AMPH: variants seen among roughly 807,000 people sequenced by gnomAD.
The protein encoded by AMPH is amphiphysin (Stiff-Mann syndrome with breast cancer 128kD autoantigen).
A neutral mutation model predicts 99.1 loss-of-function variants in AMPH; 49 were observed. The ratio of observed to expected loss-of-function variants is 0.49; its 90% CI spans 0.39 to 0.63. AMPH has a LOEUF of 0.63. Ranked by LOEUF, AMPH falls within the 20% of genes least tolerant of loss-of-function variation. The probability of loss-of-function intolerance (pLI) is 0.00; values close to 1 mark genes in which losing one functional copy is unlikely to be tolerated. For missense variants in AMPH, 759 were observed against 863.4 expected, an observed-to-expected ratio of 0.88 and a Z score of 1.52; for synonymous variants, 314 against 317.3, an observed-to-expected ratio of 0.99 and a Z score of 0.11.
At chr7:38,453,690 T>C (rs1250923483) in intron 11 of AMPH, among the ~76,000 whole-genome samples, 1 of 152,204 alleles carries the variant, frequency 6.6e-6, no homozygotes, top group Non-Finnish European at 1.5e-5. Flanking sequence ...TGAGTCTGCA[T>C]GTCATGTTGT....
At chr7:38,422,391 T>C in intron 16 of AMPH, 30 bp downstream of exon 16, 1 of 1,590,398 alleles carries the variant, frequency 6.3e-7, no homozygotes, top group South Asian at 1.1e-5. Context: ...ACTAACAACT[T>C]CCTGAGAGCA....
chr7:38,393,726 A>G (rs948050620), intron 18 of AMPH, among the ~76,000 whole-genome samples: 24 of 152,052 alleles, frequency 1.6e-4, no homozygotes, highest in African/African-American at 4.8e-4. Flanking sequence ...GTCCTGCTTC[A>G]TTCCTTTCTC....
intron 16 of AMPH, chr7:38,420,936 A>T: frequency 2.2e-6 from 1 of 456,554 alleles, no homozygotes; most frequent in Non-Finnish European, 4.4e-6. Flanking sequence ...TCAATGAGCC[A>T]AACACTGGGG....
At chr7:38,494,904 C>A (rs1788872686) in intron 3 of AMPH, among the ~76,000 whole-genome samples, 1 of 151,994 alleles carries the variant, frequency 6.6e-6, no homozygotes, top group Admixed American at 6.6e-5. Flanking sequence ...TAAAATTAGT[C>A]CTAAATGAAT....
At chr7:38,512,657 G>A (rs7799083) in intron 2 of AMPH, among the ~76,000 whole-genome samples, 45,580 of 152,028 alleles carry the variant, frequency 0.3, 7,365 homozygotes, top group Middle Eastern at 0.37. Context: ...CTTCCTCTAG[G>A]AGTGATTTCT....
At chr7:38,413,243 T>C (rs186799952) in intron 17 of AMPH, among the ~76,000 whole-genome samples, 22 of 152,290 alleles carry the variant, frequency 1.4e-4, no homozygotes, top group Admixed American at 9.8e-4. Context: ...TAACTCCATT[T>C]TATATTTGAG....
At chr7:38,437,997 G>A (rs1270946661) in intron 11 of AMPH, among the ~76,000 whole-genome samples, 1 of 152,038 alleles carries the variant, frequency 6.6e-6, no homozygotes, top group African/African-American at 2.4e-5. Flanking sequence ...ATGCCCTTCT[G>A]AGAGCTCTAC....
Position 38,403,024 on chromosome 7 carries a change from T to A in AMPH, c.1399-8810A>T, listed in dbSNP as rs55633869. 7.2e-5 allele frequency among the ~76,000 whole-genome samples: 11 copies of A among 152,192 alleles called. No individual in the cohort carries two copies. The South Asian group carries it at 1.9e-3, about 26-fold the overall frequency. On this transcript the variant is annotated intron_variant, in intron 17 of 20. Transcript: ENST00000356264. The stretch of plus-strand genomic sequence containing the variant: ...ATCCCAATGATAAATTTCATTTTTT[T>A]AAAAAAATGCTCCAAGGTTTTTTTG...
chr7:38,593,518 C>T (rs1013785060), intron 1 of AMPH, among the ~76,000 whole-genome samples: 1 of 152,164 alleles, frequency 6.6e-6, no homozygotes, highest in African/African-American at 2.4e-5. Flanking sequence ...GTAATTTTCC[C>T]TTTATTGCTC....
chr7:38,384,671 C>T lies in AMPH; in HGVS notation c.*147G>A. The T allele has an allele frequency of 1.6e-6, 1 of 637,480 alleles. No homozygotes were observed. Among genetic ancestry groups the T allele is most frequent in the South Asian group, 2.6e-5 (1 of 38,748 alleles). 39.5% of individuals were successfully genotyped at this position (637,480 alleles called of 1,614,324 possible). On this transcript the variant is annotated 3_prime_UTR_variant, in exon 21 of 21. Transcript: ENST00000356264. ...TTTTTTCCTCTTACATTTTTTTGCA[C>T]ACATGCTCCATTGATACATCTTCCC...
Position 38,393,995 on chromosome 7 carries a change from G to A in AMPH, c.1608+10C>T. 1 of 1,614,036 alleles carries A rather than the reference G, an allele frequency of 6.2e-7. No individual in the cohort carries two copies. Among genetic ancestry groups the A allele is most frequent in the Non-Finnish European group, 8.5e-7 (1 of 1,179,946 alleles). On this transcript the variant is annotated intron_variant, in intron 18 of 20. Transcript: ENST00000356264. ...CAGGAGCTCCCCTGGCTGCGACATGGGACACTCACCTGAGGCACTGTTGCT... is the reference window on the plus strand; with the variant it reads ...CAGGAGCTCCCCTGGCTGCGACATGAGACACTCACCTGAGGCACTGTTGCT...
At chr7:38,418,037 C>A (rs1347520161) in intron 16 of AMPH, 87 bp from the exon 17 acceptor site, 9 of 1,437,998 alleles carry the variant, frequency 6.3e-6, no homozygotes, top group South Asian at 5.8e-5. Context: ...TTAAGATTTT[C>A]TTTGTCATCC....
At chr7:38,527,931 C>T (rs943431967) in intron 2 of AMPH, among the ~76,000 whole-genome samples, 27 of 152,120 alleles carry the variant, frequency 1.8e-4, no homozygotes, top group African/African-American at 6.0e-4. Context: ...CTATTCGTAA[C>T]TTGCTGGGCA....
At chr7:38,429,417 C>A (rs759290541) in intron 14 of AMPH, 2 of 1,293,182 alleles carry the variant, frequency 1.5e-6, no homozygotes, top group South Asian at 2.5e-5. Flanking sequence ...TCCAAACCCA[C>A]CTGAGGTAAC....
chr7:38,501,233 C>T (rs1420171794), intron 3 of AMPH, among the ~76,000 whole-genome samples: 1 of 152,186 alleles, frequency 6.6e-6, no homozygotes, highest in Non-Finnish European at 1.5e-5. Flanking sequence ...CTCTTTCACC[C>T]AGGCTGGAGT....
chr7:38,485,145 G>T (rs1449569115), intron 5 of AMPH, among the ~76,000 whole-genome samples: 6 of 151,852 alleles, frequency 4.0e-5, no homozygotes, highest in Non-Finnish European at 7.4e-5. Context: ...TACTTTAAAT[G>T]TAAGTTAATT....
At chr7:38,592,639 G>A (rs1358250950) in intron 1 of AMPH, among the ~76,000 whole-genome samples, 1 of 151,774 alleles carries the variant, frequency 6.6e-6, no homozygotes, top group Non-Finnish European at 1.5e-5. Flanking sequence ...GCTGAGACAG[G>A]AGAATTTCTT....
chr7:38,552,985 T>C (rs1791232513), intron 1 of AMPH, among the ~76,000 whole-genome samples: 1 of 152,156 alleles, frequency 6.6e-6, no homozygotes, highest in Non-Finnish European at 1.5e-5. Flanking sequence ...ATGGACTGCA[T>C]TACCCAGGTT....
intron 1 of AMPH, among the ~76,000 whole-genome samples, chr7:38,556,087 C>T (rs1562824888): frequency 6.6e-6 from 1 of 151,672 alleles, no homozygotes; most frequent in Non-Finnish European, 1.5e-5. Flanking sequence ...GCACATGTAC[C>T]CCCTGAGTCT....
Sources: gnomAD v4.1 joint callset for allele counts (sites outside exome capture counted in the v4.1 genomes callset) on GRCh38, gnomAD v4.1.1 for gene constraint, MANE v1.5 for transcripts, NCBI Gene and HGNC (gene_info 2026-07-23, HGNC 2026-07-21) for gene names.